BRD4: variants seen among roughly 807,000 people sequenced by gnomAD.
BRD4 encodes bromodomain-containing protein 4.
BRD4 carries 16 observed loss-of-function variants against 142.1 expected under a neutral mutation model. The ratio of observed to expected loss-of-function variants is 0.11; its 90% CI spans 0.08 to 0.17. The LOEUF is 0.17. Ranked by LOEUF, BRD4 falls within the 10% of genes least tolerant of loss-of-function variation. The pLI, the probability that BRD4 is intolerant of heterozygous loss-of-function variation, is 1.00. For missense variants in BRD4, 1,424 were observed against 1,810.9 expected, an observed-to-expected ratio of 0.79 and a Z score of 3.88; for synonymous variants, 833 against 707.5, an observed-to-expected ratio of 1.18 and a Z score of -2.82.
At chr19:15,305,565 A>C (rs945871059) in intron 1 of BRD4, among the ~76,000 whole-genome samples, 1 of 152,218 alleles carries the variant, frequency 6.6e-6, no homozygotes, top group African/African-American at 2.4e-5. Context: ...ATGATGCTGT[A>C]AACAGATGTG....
Position 15,240,032 on chromosome 19 carries a change from G to A in BRD4, c.3170-10C>T. 1 of 1,605,602 alleles carries A rather than the reference G, an allele frequency of 6.2e-7. No individual in the cohort carries two copies. Among genetic ancestry groups the A allele is most frequent in the Non-Finnish European group, 8.5e-7 (1 of 1,175,876 alleles). ...GCTTCGCGGAGGTGACCTAGGAGAA[G>A]GGACAAGGAATGTGTCAAGGGGCTG... On this transcript the variant is annotated splice_polypyrimidine_tract_variant and intron_variant, in intron 14 of 19. Transcript: ENST00000679869.
At chr19:15,327,900 T>C (rs1169267909) in intron 1 of BRD4, among the ~76,000 whole-genome samples, 2 of 93,468 alleles carry the variant, frequency 2.1e-5, no homozygotes, top group Non-Finnish European at 3.8e-5. Flanking sequence ...TGGGGAATGA[T>C]AGGTAATGGA....
At chr19:15,296,055 A>C (rs1007068861) in intron 1 of BRD4, among the ~76,000 whole-genome samples, 1 of 152,174 alleles carries the variant, frequency 6.6e-6, no homozygotes, top group South Asian at 2.1e-4. Flanking sequence ...GGAGATCAAG[A>C]CCATCCTGGC....
At chr19:15,252,841 T>C (rs1293788139) in intron 11 of BRD4, among the ~76,000 whole-genome samples, 8 of 152,066 alleles carry the variant, frequency 5.3e-5, no homozygotes, top group African/African-American at 1.9e-4. Flanking sequence ...CACCAGGCTG[T>C]CCAAGGGAAG....
intron 5 of BRD4, 84 bp from the exon 6 acceptor site, chr19:15,264,850 C>T: frequency 6.5e-7 from 1 of 1,528,314 alleles, no homozygotes; most frequent in Non-Finnish European, 8.8e-7. Flanking sequence ...AAAGCCAGGC[C>T]CTGTCTTGGG....
At chr19:15,251,943 G>T (rs544143485) in intron 11 of BRD4, among the ~76,000 whole-genome samples, 6 of 152,218 alleles carry the variant, frequency 3.9e-5, no homozygotes, top group African/African-American at 1.4e-4. Context: ...GGGCTGGACC[G>T]CCAGAGCCTG....
chr19:15,324,159 T>C (rs1182231991), intron 1 of BRD4, among the ~76,000 whole-genome samples: 3 of 151,792 alleles, frequency 2.0e-5, no homozygotes, highest in Non-Finnish European at 4.4e-5. Context: ...CAGCCCAAGG[T>C]CCCAGAAACT....
Position 15,239,009 on chromosome 19 carries a change from G to A in BRD4, c.3783-29C>T, listed in dbSNP as rs1456710519. On this transcript the variant is annotated intron_variant, in intron 18 of 19. Coordinates refer to ENST00000679869, the MANE Select transcript of BRD4 (RefSeq NM_001379291.1). This position sits in a 1 kb window ranked among gnomAD's most constrained non-coding sequence, Gnocchi z 7.4. ...GGCAGAGGGTCCCAGTCAGCCTGGG[G>A]ACTGGTGTGGCCCCAAGAGTCCCCA... 1.3e-6 allele frequency: 2 copies of A among 1,577,276 alleles called. No homozygotes were observed. Among genetic ancestry groups the A allele is most frequent in the African/African-American group, 2.7e-5 (2 of 74,384 alleles).
At chr19:15,306,460 G>A (rs773856424) in intron 1 of BRD4, among the ~76,000 whole-genome samples, 4 of 151,868 alleles carry the variant, frequency 2.6e-5, no homozygotes, top group Non-Finnish European at 4.4e-5. Flanking sequence ...TTATGAAGAC[G>A]AGGCCTCACT....
chr19:15,327,649 G>C (rs1037682191), intron 1 of BRD4, among the ~76,000 whole-genome samples: 1 of 151,992 alleles, frequency 6.6e-6, no homozygotes, highest in African/African-American at 2.4e-5. Flanking sequence ...CTAATGAATG[G>C]GTAAACAAAA....
intron 2 of BRD4, among the ~76,000 whole-genome samples, chr19:15,271,806 G>A (rs1262468591): frequency 6.6e-6 from 1 of 152,004 alleles, no homozygotes; most frequent in Non-Finnish European, 1.5e-5. Flanking sequence ...TCCCCCGAGT[G>A]CTTGACACGT....
intron 1 of BRD4, among the ~76,000 whole-genome samples, chr19:15,309,422 C>T (rs534746699): frequency 8.7e-5 from 13 of 150,244 alleles, no homozygotes; most frequent in Non-Finnish European, 1.3e-4. Flanking sequence ...AGACAAACAA[C>T]AATTGTCGGC....
At chr19:15,301,118 C>T (rs1397601203) in intron 1 of BRD4, among the ~76,000 whole-genome samples, 1 of 152,204 alleles carries the variant, frequency 6.6e-6, no homozygotes, top group Admixed American at 6.5e-5. Context: ...AACTGAAACA[C>T]TCCCACTAAG....
chr19:15,253,653 C>A (rs779807389), intron 11 of BRD4: 2 of 1,597,620 alleles, frequency 1.3e-6, no homozygotes, highest in African/African-American at 1.3e-5. Context: ...ACTGGCGATG[C>A]GGCTGGCCAG....
At chr19:15,249,810 G>A (rs1048239163) in intron 11 of BRD4, among the ~76,000 whole-genome samples, 2 of 152,108 alleles carry the variant, frequency 1.3e-5, no homozygotes, top group African/African-American at 4.8e-5. Context: ...GTACCAGAAT[G>A]CAGGACCCCC....
At chr19:15,272,778 C>T (rs1260383891) in intron 2 of BRD4, 37 bp downstream of exon 2, 5 of 1,587,432 alleles carry the variant, frequency 3.1e-6, no homozygotes, top group Admixed American at 3.5e-5. Flanking sequence ...AGACGACCTC[C>T]AGGACGGCCA....
intron 1 of BRD4, among the ~76,000 whole-genome samples, chr19:15,315,115 G>A (rs1022196455): frequency 6.6e-6 from 1 of 151,696 alleles, no homozygotes; most frequent in Non-Finnish European, 1.5e-5. Context: ...TGTGCGTGGA[G>A]TTTAACCACT....
chr19:15,330,287 A>G (rs1428974645), intron 1 of BRD4, among the ~76,000 whole-genome samples: 1 of 152,220 alleles, frequency 6.6e-6, no homozygotes, highest in Non-Finnish European at 1.5e-5. Context: ...ACAGAGCAGC[A>G]ATACATTTTG....
chr19:15,319,061 A>T (rs190826871), intron 1 of BRD4, among the ~76,000 whole-genome samples: 2 of 152,358 alleles, frequency 1.3e-5, no homozygotes, highest in Non-Finnish European at 2.9e-5. Flanking sequence ...AGCCTGGCAC[A>T]GTGGCTCACC....
Sources: allele counts gnomAD v4.1 joint callset (sites outside exome capture counted in the v4.1 genomes callset), GRCh38; gene constraint gnomAD v4.1.1; non-coding constraint Gnocchi (gnomAD v3.1); transcripts MANE v1.5; gene names NCBI Gene and HGNC (gene_info 2026-07-23, HGNC 2026-07-21).